The following CACNA1E variants were observed in gnomAD, a reference collection of about 807,000 sequenced individuals.
The protein encoded by CACNA1E is voltage-dependent R-type calcium channel subunit alpha-1E.
CACNA1E carries 40 observed loss-of-function variants against 259.2 expected under a neutral mutation model. The ratio of observed to expected loss-of-function variants is 0.15; its 90% CI spans 0.12 to 0.20. The LOEUF is 0.20. Among genes scored for constraint, CACNA1E ranks in the 10% least tolerant of loss-of-function variants. The pLI is 1.00. For synonymous variants in CACNA1E, 1,104 were observed against 1,138.5 expected, an observed-to-expected ratio of 0.97 and a Z score of 0.61; for missense variants, 1,874 against 3,040.1, an observed-to-expected ratio of 0.62 and a Z score of 9.02.
intron 3 of CACNA1E, among the ~76,000 whole-genome samples, chr1:181,564,492 A>G (rs115374518): frequency 1.6e-3 from 237 of 152,336 alleles, no homozygotes; most frequent in African/African-American, 4.5e-3. Flanking sequence ...TGCTATTCTT[A>G]CCACATCTTC....
chr1:181,719,333 T>A (rs1050632730), intron 12 of CACNA1E, among the ~76,000 whole-genome samples: 2 of 152,226 alleles, frequency 1.3e-5, no homozygotes, highest in African/African-American at 2.4e-5. Flanking sequence ...ATTTATTATA[T>A]CAAGGACCAA....
chr1:181,442,039 C>T (rs1050926235), intron 2 of CACNA1E, among the ~76,000 whole-genome samples: 5 of 152,164 alleles, frequency 3.3e-5, no homozygotes, highest in African/African-American at 1.2e-4. Flanking sequence ...TTTTATAGCC[C>T]ACACGGACCT....
chr1:181,785,435 G>C lies in CACNA1E; in HGVS notation c.5679+17G>C. The C allele has an allele frequency of 6.5e-7, 1 of 1,547,254 alleles. No homozygotes were observed. Among genetic ancestry groups the C allele is most frequent in the Non-Finnish European group, 8.9e-7 (1 of 1,121,796 alleles). Reference sequence around the variant, plus strand: ...GAGGAACAGGTGAAAGTCAATGCCAGCATGCTAAGTGGGTGGGCCATGAGG... The same window carrying C: ...GAGGAACAGGTGAAAGTCAATGCCACCATGCTAAGTGGGTGGGCCATGAGG... On this transcript the variant is annotated intron_variant, in intron 42 of 47. Transcript: ENST00000367573.
At chr1:181,494,144 A>G (rs1664538989) in intron 1 of CACNA1E, among the ~76,000 whole-genome samples, 2 of 152,176 alleles carry the variant, frequency 1.3e-5, no homozygotes, top group Admixed American at 1.3e-4. Flanking sequence ...TTGGGCTCTC[A>G]TAGGGCACTT....
intron 27 of CACNA1E, among the ~76,000 whole-genome samples, chr1:181,754,934 C>T (rs540667954): frequency 4.6e-5 from 7 of 152,328 alleles, no homozygotes; most frequent in East Asian, 3.9e-4. Flanking sequence ...GTGGAGTACC[C>T]GTACCAGGAT....
chr1:181,733,838 C>T, intron 21 of CACNA1E, 88 bp downstream of exon 21: 1 of 974,062 alleles, frequency 1.0e-6, no homozygotes, highest in South Asian at 2.7e-5. Flanking sequence ...ATGGAAAGCA[C>T]CACCAGGAGG....
At chr1:181,771,536 T>G in intron 36 of CACNA1E, 152 bp downstream of exon 36, 1 of 614,556 alleles carries the variant, frequency 1.6e-6, no homozygotes, top group Non-Finnish European at 2.9e-6. Context: ...TTTGCCAAAC[T>G]GCCCCTATAA....
At chr1:181,660,317 G>T (rs963005873) in intron 7 of CACNA1E, among the ~76,000 whole-genome samples, 2 of 152,224 alleles carry the variant, frequency 1.3e-5, no homozygotes, top group African/African-American at 2.4e-5. Flanking sequence ...AAGATACCTG[G>T]CTAGACATTT....
intron 3 of CACNA1E, among the ~76,000 whole-genome samples, chr1:181,536,600 A>G (rs1668187392): frequency 6.6e-6 from 1 of 152,062 alleles, no homozygotes; most frequent in South Asian, 2.1e-4. Context: ...GAAATTCCTC[A>G]AGTTTTTGGT....
At chr1:181,709,535 C>T (rs184162560) in intron 7 of CACNA1E, among the ~76,000 whole-genome samples, 23 of 152,332 alleles carry the variant, frequency 1.5e-4, no homozygotes, top group Admixed American at 5.9e-4. Flanking sequence ...GTAGCTGGGG[C>T]CCATCCCCCA....
intron 37 of CACNA1E, among the ~76,000 whole-genome samples, chr1:181,772,832 A>G (rs1480224795): frequency 1.3e-5 from 2 of 152,190 alleles, no homozygotes; most frequent in African/African-American, 2.4e-5. Flanking sequence ...GGGTGTTAGT[A>G]AATATTGAGT....
At chr1:181,448,940 G>T (rs1199018859) in intron 2 of CACNA1E, among the ~76,000 whole-genome samples, 1 of 152,244 alleles carries the variant, frequency 6.6e-6, no homozygotes, top group Non-Finnish European at 1.5e-5. Flanking sequence ...AGCCAGCACG[G>T]TTGACTGGCA....
chr1:181,656,485 C>A (rs950214758), intron 7 of CACNA1E, among the ~76,000 whole-genome samples: 3 of 152,158 alleles, frequency 2.0e-5, no homozygotes, highest in Admixed American at 2.0e-4. Context: ...TACAGCTGTA[C>A]AATGTGTGTT....
intron 1 of CACNA1E, among the ~76,000 whole-genome samples, chr1:181,410,212 T>A (rs1415704022): frequency 1.3e-5 from 2 of 151,998 alleles, no homozygotes. Context: ...TCAAGGGGAG[T>A]TGAGACAGAA....
upstream of CACNA1E, among the ~76,000 whole-genome samples, chr1:181,482,581 C>T (rs1300685616): frequency 2.0e-5 from 3 of 152,264 alleles, no homozygotes; most frequent in Non-Finnish European, 4.4e-5. Context: ...GCCAGCTCCT[C>T]CCCCGCTTCT....
At chr1:181,474,566 T>C (rs959372581) in intron 2 of CACNA1E, among the ~76,000 whole-genome samples, 2 of 102,780 alleles carry the variant, frequency 1.9e-5, no homozygotes, top group African/African-American at 1.1e-4. Flanking sequence ...GTGCATGTCT[T>C]TGCAAACGTG....
chr1:181,790,719 C>T (rs1361723151), intron 44 of CACNA1E, among the ~76,000 whole-genome samples, 163 bp downstream of exon 44: 1 of 152,252 alleles, frequency 6.6e-6, no homozygotes, highest in Non-Finnish European at 1.5e-5. Flanking sequence ...CCCAGTTTCT[C>T]ATGTGCTCTG....
rs186390339 is a variant in CACNA1E, at chr1:181,692,439, T to C, written c.1056-18515T>C. Among the ~76,000 whole-genome samples, 7 of 152,252 alleles carry C rather than the reference T, an allele frequency of 4.6e-5. No individual in the cohort carries two copies. The East Asian group carries it at 5.8e-4, about 13-fold the overall frequency. Reference sequence around the variant, plus strand: ...TACAGTAACCCAAACAGCATGGTCTTGGTACAGAAACAGAAACATAGACCA... The same window carrying C: ...TACAGTAACCCAAACAGCATGGTCTCGGTACAGAAACAGAAACATAGACCA... On this transcript the variant is annotated intron_variant, in intron 7 of 47. Coordinates refer to ENST00000367573, the MANE Select transcript of CACNA1E (RefSeq NM_001205293.3).
At position 181,484,025 on chromosome 1, in the gene CACNA1E, C is replaced by G. The variant is rs767125739; in HGVS notation, c.266+15C>G. 1 of 1,610,494 alleles carries G rather than the reference C, an allele frequency of 6.2e-7. No individual in the cohort carries two copies. Among genetic ancestry groups the G allele is most frequent in the South Asian group, 1.1e-5 (1 of 90,818 alleles). On this transcript the variant is annotated intron_variant, in intron 1 of 47. Transcript: ENST00000367573. ...ATCGATTGGCCATATCCTTTCTTGC[C>G]CACCATAACTCCCTCTCCCCCTTTG...
Sources: gnomAD v4.1 joint callset for allele counts (sites outside exome capture counted in the v4.1 genomes callset) on GRCh38, gnomAD v4.1.1 for gene constraint, MANE v1.5 for transcripts, NCBI Gene and HGNC (gene_info 2026-07-23, HGNC 2026-07-21) for gene names.